Variants in NGEF observed in about 807,000 individuals in gnomAD.
NGEF encodes ephexin-1.
Under a neutral mutation model 80.9 loss-of-function variants are expected in NGEF, and 31 were observed. That is an observed-to-expected ratio of 0.38 (90% CI 0.29 to 0.52). The LOEUF is 0.52. NGEF is among the 20% of genes least tolerant of loss of function. NGEF has a pLI of 0.84. For missense variants in NGEF, 709 were observed against 926.2 expected (o/e 0.77, Z 3.04); for synonymous variants, 371 against 370.2 (o/e 1.00, Z -0.03).
At chr2:232,891,209 C>A (rs1691872552) in intron 8 of NGEF, 149 bp downstream of exon 8, 1 of 1,072,804 alleles carries the variant, frequency 9.3e-7, no homozygotes, top group African/African-American at 1.6e-5. Context: ...GGCGCTGCAT[C>A]CTCACTGCCC....
chr2:232,978,097 G>T (rs1392657297), intron 1 of NGEF, among the ~76,000 whole-genome samples: 1 of 152,170 alleles, frequency 6.6e-6, no homozygotes, highest in African/African-American at 2.4e-5. Context: ...GTTGCTAACA[G>T]GCATCTTCCG....
chr2:232,964,618 G>A (rs1574640962), intron 3 of NGEF, among the ~76,000 whole-genome samples: 1 of 152,206 alleles, frequency 6.6e-6, no homozygotes, highest in East Asian at 1.9e-4. Context: ...AACCTGGGAG[G>A]TGGAGGTTGC....
intron 5 of NGEF, among the ~76,000 whole-genome samples, chr2:232,898,945 C>T (rs372968417): frequency 3.2e-4 from 48 of 151,774 alleles, no homozygotes; most frequent in African/African-American, 1.1e-3. Context: ...GCTGTGAGAG[C>T]ATGTAAGTGA....
chr2:232,917,340 T>C (rs191671007), intron 5 of NGEF, among the ~76,000 whole-genome samples: 1 of 152,212 alleles, frequency 6.6e-6, no homozygotes, highest in African/African-American at 2.4e-5. Flanking sequence ...TCAGGAGAGA[T>C]AAAATAGATA....
intron 5 of NGEF, among the ~76,000 whole-genome samples, chr2:232,900,519 TAGAC>T (rs1357654142): frequency 3.0e-5 from 2 of 66,312 alleles, no homozygotes; most frequent in African/African-American, 6.7e-5. Flanking sequence ...CACATTCACT[TAGAC>T]ACATGCTCTC....
rs1159004899 is a variant in NGEF at position 232,891,472 on chromosome 2, A to G, written c.1158T>C (p.Ala386=). 1.2e-6 allele frequency: 2 copies of G among 1,613,082 alleles called. No homozygotes were observed. Residue 386 remains alanine (A), a synonymous_variant, in exon 8 of 15, where the codon GCT becomes GCC. Coordinates refer to ENST00000264051, the MANE Select transcript of NGEF (RefSeq NM_019850.3). The part of the protein sequence containing the change: ...TYKQLLQEKA[A]FRELIAQLEL... ...CTAGCTGCGCGATCAGCTCCCGGAA[A>G]GCTGCCTTCTCCTGGCTGGGGACAC...
chr2:232,932,772 TAGAA>T (rs1412716420), intron 3 of NGEF, among the ~76,000 whole-genome samples: 1 of 152,028 alleles, frequency 6.6e-6, no homozygotes, highest in African/African-American at 2.4e-5. Context: ...CCTCATGCGT[TAGAA>T]AGAGGGCTTG....
At chr2:232,966,317 C>A (rs193102509) in intron 3 of NGEF, among the ~76,000 whole-genome samples, 21 of 152,322 alleles carry the variant, frequency 1.4e-4, no homozygotes, top group Admixed American at 9.1e-4. Context: ...TGGGCAGACT[C>A]CTTTTCAAAT....
At position 232,879,433 on chromosome 2, in the gene NGEF, C is replaced by CCCCCCA; in HGVS notation, c.*55_*56insTGGGGG. On this transcript the variant is annotated 3_prime_UTR_variant, in exon 15 of 15. Coordinates refer to ENST00000264051, the MANE Select transcript of NGEF (RefSeq NM_019850.3). ...GTGCTTCCCAGAGCCCCCCCCCCCCCACCTTCTGTCGGGGTCTCATGCAGG... is the reference window on the plus strand; with the variant it reads ...GTGCTTCCCAGAGCCCCCCCCCCCCCCCCCCAACCTTCTGTCGGGGTCTCATGCAGG... The CCCCCCA allele has an allele frequency of 2.8e-6, 4 of 1,418,568 alleles. No homozygotes were observed. Among genetic ancestry groups the CCCCCCA allele is most frequent in the Non-Finnish European group, 3.8e-6 (4 of 1,046,106 alleles). The allele number at this position is 1,418,568 out of a possible 1,614,324, so 87.9% of individuals were successfully genotyped here.
At chr2:232,936,452 C>T (rs1256452990) in intron 3 of NGEF, among the ~76,000 whole-genome samples, 1 of 152,154 alleles carries the variant, frequency 6.6e-6, no homozygotes, top group Non-Finnish European at 1.5e-5. Context: ...TCTTTCCTTA[C>T]CCAGGAGCCT....
At chr2:232,985,377 G>A (rs760534252) in intron 1 of NGEF, among the ~76,000 whole-genome samples, 11 of 152,236 alleles carry the variant, frequency 7.2e-5, no homozygotes, top group Non-Finnish European at 1.3e-4. Context: ...AGCCCTTTGG[G>A]AGGCCGAGGC....
intron 3 of NGEF, among the ~76,000 whole-genome samples, chr2:232,942,699 A>G (rs866624003): frequency 6.7e-6 from 1 of 150,350 alleles, no homozygotes; most frequent in South Asian, 2.1e-4. Context: ...ACATGGTGAA[A>G]CCCCGTCTCT....
At chr2:232,997,815 A>T (rs1173555034) in intron 1 of NGEF, among the ~76,000 whole-genome samples, 1 of 151,992 alleles carries the variant, frequency 6.6e-6, no homozygotes, top group Non-Finnish European at 1.5e-5. Flanking sequence ...CTCTGTTTAG[A>T]TGGCTGCACC....
chr2:232,890,527 A>G (rs1002362931), intron 8 of NGEF, among the ~76,000 whole-genome samples: 1 of 152,132 alleles, frequency 6.6e-6, no homozygotes, highest in African/African-American at 2.4e-5. Flanking sequence ...TGAACTGTCC[A>G]AAGTCATCTC....
chr2:232,964,878 T>G (rs1694024972), intron 3 of NGEF, among the ~76,000 whole-genome samples: 1 of 152,168 alleles, frequency 6.6e-6, no homozygotes, highest in African/African-American at 2.4e-5. Context: ...GTCTGAGAGT[T>G]GGATATTGAC....
At chr2:232,937,568 C>T (rs1007465817) in intron 3 of NGEF, among the ~76,000 whole-genome samples, 2 of 152,196 alleles carry the variant, frequency 1.3e-5, no homozygotes, top group Non-Finnish European at 2.9e-5. Flanking sequence ...TTTCTCCTCC[C>T]AGTGAACCTG....
At chr2:232,916,126 C>T (rs1692796441) in intron 5 of NGEF, among the ~76,000 whole-genome samples, 1 of 152,184 alleles carries the variant, frequency 6.6e-6, no homozygotes, top group South Asian at 2.1e-4. Context: ...AATGAAAGTA[C>T]TGAAAGATTT....
intron 5 of NGEF, among the ~76,000 whole-genome samples, chr2:232,913,944 A>C (rs2106269248): frequency 6.6e-6 from 1 of 151,928 alleles, no homozygotes; most frequent in East Asian, 1.9e-4. Flanking sequence ...AAATAAAATA[A>C]AATAATTTTG....
At position 232,894,933 on chromosome 2, in the gene NGEF, C is replaced by T; in HGVS notation, c.829-17G>A. The T allele has an allele frequency of 6.4e-7, 1 of 1,555,818 alleles. No homozygotes were observed. Among genetic ancestry groups the T allele is most frequent in the South Asian group, 1.2e-5 (1 of 86,594 alleles). ...GAACATGGCCTGTAGCAGGGAGACC[C>T]CATGGTTACCGCCTGAAGTTGGCCT... is the stretch of plus-strand genomic sequence containing the variant. On this transcript the variant is annotated splice_polypyrimidine_tract_variant and intron_variant, in intron 5 of 14. Coordinates refer to ENST00000264051, the MANE Select transcript of NGEF (RefSeq NM_019850.3).
Sources: allele counts gnomAD v4.1 joint callset (sites outside exome capture counted in the v4.1 genomes callset), GRCh38; gene constraint gnomAD v4.1.1; transcripts MANE v1.5; gene names NCBI Gene and HGNC (gene_info 2026-07-23, HGNC 2026-07-21).